Variants in ZC3H7B observed in about 807,000 individuals in gnomAD.
The protein encoded by ZC3H7B is zinc finger CCCH-type containing 7B.
A neutral mutation model predicts 116.0 loss-of-function variants in ZC3H7B; 35 were observed. The observed-to-expected ratio is 0.30, with a 90% CI of 0.23 to 0.40. The LOEUF (loss-of-function observed/expected upper bound fraction) is 0.40. Ranked by LOEUF, ZC3H7B falls within the 10% of genes least tolerant of loss-of-function variation. The pLI is 1.00. For synonymous variants in ZC3H7B, 502 were observed against 545.6 expected (o/e 0.92, Z 1.11); for missense variants, 1,011 against 1,321.5 (o/e 0.77, Z 3.64).
rs1167273436 is a variant in ZC3H7B at position 41,355,935 on chromosome 22, C to T, written c.2275-19C>T. On this transcript the variant is annotated intron_variant, in intron 19 of 22. Coordinates refer to ENST00000352645, the MANE Select transcript of ZC3H7B (RefSeq NM_017590.6). ...CTTTCCAGCGGGACTCAGAGGATCT[C>T]CCCACGCCCACCCCACAGCTCTGCA... 6.3e-6 allele frequency: 10 copies of T among 1,599,026 alleles called. No homozygotes were observed. The highest frequency in any genetic ancestry group is 2.7e-5 in the African/African-American group (2 of 74,690).
intron 15 of ZC3H7B, among the ~76,000 whole-genome samples, chr22:41,348,597 T>C (rs2036618381): frequency 6.6e-6 from 1 of 152,176 alleles, no homozygotes; most frequent in Non-Finnish European, 1.5e-5. Context: ...GCACCACCCC[T>C]TTCTCCCTCT....
intron 12 of ZC3H7B, 28 bp downstream of exon 12, chr22:41,342,656 C>G (rs201179147): frequency 6.3e-7 from 1 of 1,583,726 alleles, no homozygotes; most frequent in African/African-American, 1.3e-5. Flanking sequence ...GACTCCACCC[C>G]TCTGCCCAGA....
chr22:41,357,436 G>A lies in ZC3H7B; in HGVS notation c.*7G>A. 6.3e-7 allele frequency: 1 copy of A among 1,591,576 alleles called. No individual in the cohort carries two copies. Among genetic ancestry groups the A allele is most frequent in the Non-Finnish European group, 8.6e-7 (1 of 1,166,940 alleles). On this transcript the variant is annotated 3_prime_UTR_variant, in exon 23 of 23. Transcript: ENST00000352645. The surrounding 1 kb of genome is among the most constrained non-coding windows in gnomAD (Gnocchi z 5.4). ...CGCCACCACTGGGGAGTAGGGCCAG[G>A]TGTTGGCCGTGGGTGAAGTCCTGGG... is the stretch of plus-strand genomic sequence containing the variant.
At chr22:41,330,858 C>CTTT (rs1162413000) in intron 6 of ZC3H7B, among the ~76,000 whole-genome samples, 2 of 128,668 alleles carry the variant, frequency 1.6e-5, no homozygotes, top group Admixed American at 8.0e-5. Context: ...AGGAGAATCA[C>CTTT]TTTTTTTTTT....
rs201033903 is a variant in ZC3H7B at position 41,356,098 on chromosome 22, G to A, written c.2383+36G>A. On this transcript the variant is annotated intron_variant, in intron 20 of 22. Transcript: ENST00000352645. ...AGACGGGGCGGGCGGGCCCTCCCCC[G>A]GTGTCTCTTCAGTGCTGAATGTCTC... The A allele has an allele frequency of 1.5e-4, 231 of 1,524,820 alleles. No individual in the cohort carries two copies. In the East Asian group the frequency reaches 3.0e-3, roughly 20 times the overall value. The allele number at this position is 1,524,820 out of a possible 1,614,324, so 94.5% of individuals were successfully genotyped here. A position where few individuals can be genotyped will look rare whatever the true frequency, so the allele number is the denominator to read the frequency against.
At chr22:41,342,403 C>A in intron 11 of ZC3H7B, 126 bp from the exon 12 acceptor site, 1 of 782,522 alleles carries the variant, frequency 1.3e-6, no homozygotes, top group Non-Finnish European at 2.1e-6. Flanking sequence ...GGGTCCTGGG[C>A]TGTGGTTTTG....
chr22:41,310,002 G>A (rs1165345336), intron 1 of ZC3H7B, among the ~76,000 whole-genome samples: 5 of 151,800 alleles, frequency 3.3e-5, no homozygotes, highest in African/African-American at 4.8e-5. Context: ...TCAGGAGATC[G>A]AGACCATCCT....
In ZC3H7B at chr22:41,348,093, C is replaced by A; in HGVS notation, c.1692C>A (p.Ile564=). The change falls in exon 15 of 23, where the codon ATC becomes ATA. Residue 564 remains isoleucine, a synonymous_variant. Transcript: ENST00000352645. ...CEICFDSKPR[I]ISKGTKDSPS... ...TCTGCTTTGACAGTAAACCCCGGAT[C>A]ATCAGCAAAGGCACCAAGGACTCTC... 3 of 1,614,004 alleles carry A rather than the reference C, an allele frequency of 1.9e-6. No homozygotes were observed. The highest frequency in any genetic ancestry group is 2.5e-6 in the Non-Finnish European group (3 of 1,179,956).
chr22:41,341,960 G>T (rs974824776), intron 11 of ZC3H7B, among the ~76,000 whole-genome samples: 4 of 151,930 alleles, frequency 2.6e-5, no homozygotes, highest in Non-Finnish European at 5.9e-5. Context: ...TACTCAGGAG[G>T]CTGAGGCAGG....
chr22:41,332,457 G>A, intron 7 of ZC3H7B: 1 of 551,778 alleles, frequency 1.8e-6, no homozygotes. Context: ...TTGAACCCTG[G>A]CCAGGACACA....
chr22:41,337,076 C>T (rs1197918302), intron 7 of ZC3H7B, among the ~76,000 whole-genome samples: 1 of 151,726 alleles, frequency 6.6e-6, no homozygotes, highest in Non-Finnish European at 1.5e-5. Flanking sequence ...GCAGAGGTTT[C>T]GGTAAGCCAA....
intron 12 of ZC3H7B, 149 bp downstream of exon 12, chr22:41,342,777 C>A: frequency 1.3e-6 from 1 of 790,102 alleles, no homozygotes; most frequent in Non-Finnish European, 2.0e-6. Context: ...AGGAAAGGGG[C>A]AGGAGTTTGG....
chr22:41,343,660 T>A, intron 13 of ZC3H7B, 84 bp downstream of exon 13: 1 of 1,452,300 alleles, frequency 6.9e-7, no homozygotes, highest in East Asian at 2.5e-5. Flanking sequence ...CCATCACAGG[T>A]AGACAGAACA....
At chr22:41,345,540 G>A (rs4822023) in intron 13 of ZC3H7B, among the ~76,000 whole-genome samples, 33,825 of 152,036 alleles carry the variant, frequency 0.22, 4,921 homozygotes, top group Admixed American at 0.46. Flanking sequence ...AGCTGAAATC[G>A]TGCCATTGCA....
At chr22:41,340,238 G>T in intron 10 of ZC3H7B, 101 bp downstream of exon 10, 3 of 1,268,798 alleles carry the variant, frequency 2.4e-6, no homozygotes, top group Middle Eastern at 2.2e-4. Context: ...AGATCTGTTT[G>T]TCCCCATCAC....
chr22:41,307,731 G>A (rs1280487345), intron 1 of ZC3H7B, among the ~76,000 whole-genome samples: 3 of 152,060 alleles, frequency 2.0e-5, no homozygotes, highest in Admixed American at 1.3e-4. Context: ...AGCTCTTCAA[G>A]ACCAGAGCAA....
chr22:41,344,441 C>T (rs2145933723), intron 13 of ZC3H7B, among the ~76,000 whole-genome samples: 1 of 152,318 alleles, frequency 6.6e-6, no homozygotes, highest in East Asian at 1.9e-4. Context: ...ACCCCCTCAC[C>T]CCTCTGCCCT....
rs1481508578 is a variant in ZC3H7B, at chr22:41,345,928, C to A, written c.1460-75C>A. ...CTCATGGGGCCAGAGCCCCACAGGCCGCAGCGGGGTGGCGAGGGTGCTGCG... is the reference window on the plus strand; with the variant it reads ...CTCATGGGGCCAGAGCCCCACAGGCAGCAGCGGGGTGGCGAGGGTGCTGCG... On this transcript the variant is annotated intron_variant, in intron 13 of 22. Coordinates refer to ENST00000352645, the MANE Select transcript of ZC3H7B (RefSeq NM_017590.6). 5.3e-6 allele frequency: 8 copies of A among 1,496,910 alleles called. No individual in the cohort carries two copies. The Admixed American group carries it at 1.2e-4, about 22-fold the overall frequency. 92.7% of individuals were successfully genotyped at this position (1,496,910 alleles called of 1,614,324 possible).
intron 10 of ZC3H7B, 56 bp from the exon 11 acceptor site, chr22:41,341,032 G>A: frequency 6.4e-7 from 1 of 1,561,798 alleles, no homozygotes; most frequent in Non-Finnish European, 8.8e-7. Flanking sequence ...GCCCTAGGAA[G>A]GCCCCTCACG....
Sources: gnomAD v4.1 joint callset for allele counts (sites outside exome capture counted in the v4.1 genomes callset) on GRCh38, gnomAD v4.1.1 for gene constraint, Gnocchi (gnomAD v3.1) non-coding constraint, MANE v1.5 for transcripts, NCBI Gene and HGNC (gene_info 2026-07-23, HGNC 2026-07-21) for gene names.